The following FHL2 variants were observed in gnomAD, a reference collection of about 807,000 sequenced individuals.
FHL2 encodes four and a half LIM domains 2.
FHL2 carries 20 observed loss-of-function variants against 32.7 expected under a neutral mutation model. The observed-to-expected ratio is 0.61, with a 90% CI of 0.43 to 0.89. FHL2 has a LOEUF of 0.89. Ranked by LOEUF, FHL2 falls within the 40% of genes least tolerant of loss-of-function variation. The pLI, the probability that FHL2 is intolerant of heterozygous loss-of-function variation, is 0.00. For synonymous variants in FHL2, 123 were observed against 128.1 expected (o/e 0.96, Z 0.27); for missense variants, 311 against 358.6 (o/e 0.87, Z 1.07).
intron 1 of FHL2, among the ~76,000 whole-genome samples, chr2:105,420,223 G>A (rs1684057848): frequency 6.6e-6 from 1 of 152,194 alleles, no homozygotes; most frequent in African/African-American, 2.4e-5. Flanking sequence ...TTTGCTCCAT[G>A]CCTCTCCCTA....
chr2:105,429,848 G>GC (rs1481825268), intron 1 of FHL2, among the ~76,000 whole-genome samples: 1 of 152,190 alleles, frequency 6.6e-6, no homozygotes, highest in Non-Finnish European at 1.5e-5. Flanking sequence ...ACAGTGCAAA[G>GC]CAAGTCAAGA....
chr2:105,382,908 T>C (rs1400162504), intron 3 of FHL2, among the ~76,000 whole-genome samples: 2 of 152,208 alleles, frequency 1.3e-5, no homozygotes, highest in Non-Finnish European at 2.9e-5. Flanking sequence ...TTTTTTAAGA[T>C]GGAGTCTTGC....
intron 5 of FHL2, among the ~76,000 whole-genome samples, chr2:105,366,102 G>A (rs951283754): frequency 6.6e-6 from 1 of 151,600 alleles, no homozygotes; most frequent in African/African-American, 2.4e-5. Flanking sequence ...TCAGCTACTT[G>A]GGAGGCTGAG....
chr2:105,411,934 A>G (rs1487266188), intron 1 of FHL2, among the ~76,000 whole-genome samples: 2 of 152,296 alleles, frequency 1.3e-5, no homozygotes, highest in East Asian at 3.9e-4. Flanking sequence ...CATCCTCACA[A>G]TGCCACCAAG....
At chr2:105,393,996 C>T (rs1022410565) in intron 2 of FHL2, among the ~76,000 whole-genome samples, 2 of 152,194 alleles carry the variant, frequency 1.3e-5, no homozygotes, top group Non-Finnish European at 2.9e-5. Flanking sequence ...ATCCCCAACA[C>T]GGGCTCCAGG....
intron 2 of FHL2, 109 bp from the exon 3 acceptor site, chr2:105,386,649 A>C (rs993462375): frequency 2.3e-6 from 2 of 859,796 alleles, no homozygotes; most frequent in Non-Finnish European, 3.6e-6. Flanking sequence ...AAAGGTGGCT[A>C]ATTCCTCTGG....
chr2:105,434,106 G>A (rs185018636), intron 1 of FHL2, among the ~76,000 whole-genome samples: 14 of 152,144 alleles, frequency 9.2e-5, no homozygotes, highest in African/African-American at 2.4e-4. Context: ...GAGGCACCAC[G>A]TCCCTTTCTC....
chr2:105,411,299 T>C (rs1683781103), intron 1 of FHL2, among the ~76,000 whole-genome samples: 1 of 152,184 alleles, frequency 6.6e-6, no homozygotes, highest in African/African-American at 2.4e-5. Flanking sequence ...AAAAAGTAAC[T>C]TTTTAAGATA....
intron 2 of FHL2, among the ~76,000 whole-genome samples, chr2:105,388,692 G>T (rs1682499909): frequency 6.6e-6 from 1 of 151,780 alleles, no homozygotes; most frequent in Admixed American, 6.6e-5. Flanking sequence ...AAATTAGCCG[G>T]GCTTACTGGC....
chr2:105,386,436 G>A lies in FHL2; in HGVS notation c.81C>T (p.Tyr27=). Residue 27 remains tyrosine, a synonymous_variant, in exon 3 of 7, where the codon TAC becomes TAT. Coordinates refer to ENST00000530340, the MANE Select transcript of FHL2 (RefSeq NM_001318895.3). The part of the protein sequence containing the change: ...KKYILREESP[Y]CVVCFETLFA... ...ACAGGGTCTCAAAGCACACCACGCAGTAGGGGCTCTCCTCCCGCAGGATGT... is the reference window on the plus strand; with the variant it reads ...ACAGGGTCTCAAAGCACACCACGCAATAGGGGCTCTCCTCCCGCAGGATGT... 6.2e-7 allele frequency: 1 copy of A among 1,614,270 alleles called. No homozygotes were observed. The highest frequency in any genetic ancestry group is 1.1e-5 in the South Asian group (1 of 91,088).
chr2:105,428,167 A>G (rs570025464), intron 1 of FHL2, among the ~76,000 whole-genome samples: 48 of 152,274 alleles, frequency 3.2e-4, no homozygotes, highest in African/African-American at 1.1e-3. Context: ...TCCCACCTGG[A>G]GGAACAAAGG....
intron 5 of FHL2, among the ~76,000 whole-genome samples, chr2:105,365,447 C>T (rs543480931): frequency 4.6e-5 from 7 of 152,216 alleles, no homozygotes; most frequent in Non-Finnish European, 8.8e-5. Context: ...TTCATTTCTG[C>T]AAATGAATAA....
rs549179283 is a variant in FHL2 at position 105,396,258 on chromosome 2, T to C, written c.-25+389A>G. Among the ~76,000 whole-genome samples, 14 of 152,254 alleles carry C rather than the reference T, an allele frequency of 9.2e-5. No homozygotes were observed. In the East Asian group the frequency reaches 2.3e-3, roughly 25 times the overall value. ...TAGGCTGGAGACCCAGGAGAGCCGA[T>C]GGTGCAAATTGCAGTCTGAAAAGAG... On this transcript the variant is annotated intron_variant, in intron 2 of 6. Coordinates refer to ENST00000530340, the MANE Select transcript of FHL2 (RefSeq NM_001318895.3).
At chr2:105,398,299 T>C (rs990693658) in intron 1 of FHL2, among the ~76,000 whole-genome samples, 1 of 74,994 alleles carries the variant, frequency 1.3e-5, no homozygotes, top group African/African-American at 5.8e-5. Flanking sequence ...AAACTTAGAA[T>C]CTTTTCATTT....
At chr2:105,379,173 C>G (rs552722917) in intron 3 of FHL2, among the ~76,000 whole-genome samples, 1 of 152,180 alleles carries the variant, frequency 6.6e-6, no homozygotes, top group South Asian at 2.1e-4. Flanking sequence ...GTAATTGAAC[C>G]TCTCTTGCCA....
intron 1 of FHL2, among the ~76,000 whole-genome samples, chr2:105,405,862 C>T (rs2104648550): frequency 6.6e-6 from 1 of 152,364 alleles, no homozygotes; most frequent in Admixed American, 6.5e-5. Flanking sequence ...TGTATGTCTT[C>T]TTTACATTAT....
chr2:105,417,348 C>G (rs1468204564), intron 1 of FHL2, among the ~76,000 whole-genome samples: 1 of 149,590 alleles, frequency 6.7e-6, no homozygotes, highest in Non-Finnish European at 1.5e-5. Flanking sequence ...TGCCACTGAA[C>G]TCCAGCCTGG....
At chr2:105,410,373 C>G (rs551396392) in intron 1 of FHL2, among the ~76,000 whole-genome samples, 2 of 152,274 alleles carry the variant, frequency 1.3e-5, no homozygotes, top group African/African-American at 4.8e-5. Flanking sequence ...TTTCTCTTGT[C>G]TGCTTCTAGA....
At chr2:105,404,213 G>A (rs1225420628), upstream of FHL2, among the ~76,000 whole-genome samples, 4 of 152,224 alleles carry the variant, frequency 2.6e-5, no homozygotes, top group African/African-American at 4.8e-5. Context: ...TTTTGTCACC[G>A]TTAAAGGATT....
Sources: gnomAD v4.1 joint callset for allele counts (sites outside exome capture counted in the v4.1 genomes callset) on GRCh38, gnomAD v4.1.1 for gene constraint, MANE v1.5 for transcripts, NCBI Gene and HGNC (gene_info 2026-07-23, HGNC 2026-07-21) for gene names.